RFTN2: variants seen among roughly 807,000 people sequenced by gnomAD.
RFTN2 encodes raftlin family member 2.
Under a neutral mutation model 52.7 loss-of-function variants are expected in RFTN2, and 34 were observed. That is an observed-to-expected ratio of 0.64 (90% CI 0.49 to 0.86). The LOEUF is 0.86. Among genes scored for constraint, RFTN2 ranks in the 40% least tolerant of loss-of-function variants. RFTN2 has a pLI of 0.00. For missense variants in RFTN2, 536 were observed against 600.1 expected, an observed-to-expected ratio of 0.89 and a Z score of 1.12; for synonymous variants, 203 against 217.7, an observed-to-expected ratio of 0.93 and a Z score of 0.59.
Position 197,646,788 on chromosome 2 carries a change from G to A in RFTN2, c.140-122C>T, listed in dbSNP as rs575600409. Reference sequence around the variant, plus strand: ...ATCTTGGCCGGGTGCAATGGCACATGCGTGTAATCCCAGCACTTTGGAAGG... The same window carrying A: ...ATCTTGGCCGGGTGCAATGGCACATACGTGTAATCCCAGCACTTTGGAAGG... On this transcript the variant is annotated intron_variant, in intron 1 of 8. Transcript: ENST00000295049. 6.8e-4 allele frequency: 491 copies of A among 722,966 alleles called. 3 individuals are homozygous for A. Among genetic ancestry groups the A allele is most frequent in the Middle Eastern group, 3.7e-3 (9 of 2,406 alleles). 44.8% of individuals were successfully genotyped at this position (722,966 alleles called of 1,614,324 possible).
intron 7 of RFTN2, among the ~76,000 whole-genome samples, chr2:197,599,007 A>G (rs1181535352): frequency 2.0e-5 from 3 of 150,962 alleles, no homozygotes; most frequent in South Asian, 2.1e-4. Flanking sequence ...GCTGGAGTGC[A>G]GTGGCACGAC....
chr2:197,582,547 G>A (rs2087526627), intron 8 of RFTN2, among the ~76,000 whole-genome samples: 1 of 152,148 alleles, frequency 6.6e-6, no homozygotes, highest in Non-Finnish European at 1.5e-5. Flanking sequence ...CTATCATTGA[G>A]GCTACCACTC....
In RFTN2 at chr2:197,599,033, G is replaced by A. The variant is rs541209886; in HGVS notation, c.1155-2964C>T. Among the ~76,000 whole-genome samples the A allele has an allele frequency of 1.4e-3, 213 of 151,638 alleles. 3 individuals are homozygous for A. Among genetic ancestry groups the A allele is most frequent in the South Asian group, 8.3e-3 (40 of 4,800 alleles). On this transcript the variant is annotated intron_variant, in intron 7 of 8. Coordinates refer to ENST00000295049, the MANE Select transcript of RFTN2 (RefSeq NM_144629.3). ...GTGGCACGACCTCGGCTCACTGCAAGCTCCGCCTCCCGGGTTCACGCCATT... is the reference window on the plus strand; with the variant it reads ...GTGGCACGACCTCGGCTCACTGCAAACTCCGCCTCCCGGGTTCACGCCATT...
At chr2:197,633,011 T>A (rs62277866) in intron 4 of RFTN2, among the ~76,000 whole-genome samples, 1,823 of 152,312 alleles carry the variant, frequency 0.012, 22 homozygotes, top group Middle Eastern at 0.031. Context: ...AATTGAGGTA[T>A]CTGATTCCAG....
intron 5 of RFTN2, among the ~76,000 whole-genome samples, chr2:197,621,670 G>A (rs570034746): frequency 6.6e-6 from 1 of 151,972 alleles, no homozygotes; most frequent in South Asian, 2.1e-4. Context: ...ACGTTGTGGG[G>A]GTTCTGACTG....
chr2:197,582,700 G>C (rs1036431655), intron 8 of RFTN2, among the ~76,000 whole-genome samples: 5 of 152,194 alleles, frequency 3.3e-5, no homozygotes, highest in African/African-American at 1.2e-4. Flanking sequence ...TATATGGGCA[G>C]AAAGAGGTTT....
At chr2:197,636,393 T>C (rs1426225074) in intron 3 of RFTN2, among the ~76,000 whole-genome samples, 2 of 139,912 alleles carry the variant, frequency 1.4e-5, no homozygotes, top group African/African-American at 5.5e-5. Flanking sequence ...CTTCCATTTG[T>C]TTGTATACTC....
Position 197,616,268 on chromosome 2 carries a change from C to CATTTTATTTTATTTTATTTT in RFTN2, c.1051-309_1051-290dup, listed in dbSNP as rs60073189. The stretch of plus-strand genomic sequence containing the variant: ...ATGGGGTTGGGGAGCTGGGAATCTG[C>CATTTTATTTTATTTTATTTT]ATTTTATTTTATTTTATTTTATTTT... On this transcript the variant is annotated intron_variant, in intron 6 of 8. Coordinates refer to ENST00000295049, the MANE Select transcript of RFTN2 (RefSeq NM_144629.3). Among the ~76,000 whole-genome samples, 83 of 60,824 alleles carry CATTTTATTTTATTTTATTTT rather than the reference C, an allele frequency of 1.4e-3. 1 individual carries two copies. The highest frequency in any genetic ancestry group is 6.1e-3 in the African/African-American group (76 of 12,508). 39.9% of individuals were successfully genotyped at this position (60,824 alleles called of 152,430 possible).
chr2:197,626,478 T>C (rs1186198756), intron 5 of RFTN2, among the ~76,000 whole-genome samples: 1 of 151,722 alleles, frequency 6.6e-6, no homozygotes, highest in Non-Finnish European at 1.5e-5. Flanking sequence ...GTGGGAGGAT[T>C]GCCTCGGCCC....
intron 2 of RFTN2, among the ~76,000 whole-genome samples, chr2:197,645,238 T>C (rs1006566714): frequency 2.0e-5 from 3 of 152,234 alleles, no homozygotes. Context: ...GCTACACAAA[T>C]ACTTATTATT....
In RFTN2 at chr2:197,570,148, A is replaced by C. The variant is rs2087293783; in HGVS notation, c.*1860T>G. On this transcript the variant is annotated 3_prime_UTR_variant, in exon 9 of 9. Transcript: ENST00000295049. ...TTCCTAACTTCATTACGTTTTATGGACTCCTGAAGCAGTGATTGTTTCTAC... is the reference window on the plus strand; with the variant it reads ...TTCCTAACTTCATTACGTTTTATGGCCTCCTGAAGCAGTGATTGTTTCTAC... 1.3e-5 allele frequency: 2 copies of C among 152,034 alleles called. No individual in the cohort carries two copies. Among genetic ancestry groups the C allele is most frequent in the South Asian group, 4.2e-4 (2 of 4,808 alleles). The allele number at this position is 152,034 out of a possible 1,614,324, so 9.4% of individuals were successfully genotyped here.
chr2:197,579,334 CCTT>C (rs947133457), intron 8 of RFTN2, among the ~76,000 whole-genome samples: 4 of 152,188 alleles, frequency 2.6e-5, no homozygotes, highest in Non-Finnish European at 5.9e-5. Context: ...GGGCTTGCCT[CCTT>C]CACTATGGGC....
Position 197,643,506 on chromosome 2 carries a change from C to T in RFTN2, c.438+652G>A, listed in dbSNP as rs185435262. ...TACATTAAACATTATTAGGTTGAAC[C>T]TGTTACCAACTGTCTCCTAATTATT... On this transcript the variant is annotated intron_variant, in intron 3 of 8. Coordinates refer to ENST00000295049, the MANE Select transcript of RFTN2 (RefSeq NM_144629.3). Among the ~76,000 whole-genome samples the T allele has an allele frequency of 9.2e-5, 14 of 152,276 alleles. No homozygotes were observed. The East Asian group carries it at 2.7e-3, about 29-fold the overall frequency.
intron 8 of RFTN2, among the ~76,000 whole-genome samples, 189 bp downstream of exon 8, chr2:197,595,802 G>C (rs781141895): frequency 2.6e-5 from 4 of 152,198 alleles, no homozygotes; most frequent in African/African-American, 4.8e-5. Context: ...CATATTTTGT[G>C]ATGGCATATT....
chr2:197,573,701 T>C (rs2340688), intron 8 of RFTN2, among the ~76,000 whole-genome samples: 53,986 of 152,152 alleles, frequency 0.35, 11,546 homozygotes, highest in South Asian at 0.52. Context: ...CCAGGGCATT[T>C]CATGGCAGCC....
At chr2:197,668,117 C>T (rs967902199) in intron 1 of RFTN2, among the ~76,000 whole-genome samples, 22 of 152,214 alleles carry the variant, frequency 1.4e-4, no homozygotes, top group African/African-American at 4.6e-4. Context: ...CAGGTGGGTG[C>T]ATGCAGATAG....
At chr2:197,585,637 C>T (rs1018742983) in intron 8 of RFTN2, among the ~76,000 whole-genome samples, 7 of 152,282 alleles carry the variant, frequency 4.6e-5, no homozygotes, top group East Asian at 3.9e-4. Flanking sequence ...CCCTCCTTAG[C>T]GAACAATTGC....
chr2:197,578,574 A>AC (rs1168607139), intron 8 of RFTN2, among the ~76,000 whole-genome samples: 2 of 151,816 alleles, frequency 1.3e-5, no homozygotes, highest in South Asian at 2.1e-4. Flanking sequence ...GCACCTTGTG[A>AC]CCCCCAGCCC....
intron 3 of RFTN2, among the ~76,000 whole-genome samples, chr2:197,636,261 T>G (rs1238639002): frequency 6.9e-6 from 1 of 145,008 alleles, no homozygotes; most frequent in Non-Finnish European, 1.5e-5. Context: ...AGTAGTTTTT[T>G]CCAATTCTGT....
Sources: allele counts gnomAD v4.1 joint callset (sites outside exome capture counted in the v4.1 genomes callset), GRCh38; gene constraint gnomAD v4.1.1; transcripts MANE v1.5; gene names NCBI Gene and HGNC (gene_info 2026-07-23, HGNC 2026-07-21).